LTBP1: variants seen among roughly 807,000 people sequenced by gnomAD.
LTBP1 encodes latent transforming growth factor beta binding protein 1.
Under a neutral mutation model 207.6 loss-of-function variants are expected in LTBP1, and 129 were observed. The ratio of observed to expected loss-of-function variants is 0.62; its 90% CI spans 0.54 to 0.72. The LOEUF (loss-of-function observed/expected upper bound fraction) is 0.72. LTBP1 is among the 30% of genes least tolerant of loss of function. The probability of loss-of-function intolerance (pLI) is 0.00; values close to 1 mark genes in which losing one functional copy is unlikely to be tolerated. For missense variants in LTBP1, 2,281 were observed against 2,217.2 expected (o/e 1.03, Z -0.58); for synonymous variants, 963 against 833.7 (o/e 1.16, Z -2.67).
intron 18 of LTBP1, 85 bp downstream of exon 18, chr2:33,276,008 C>A: frequency 6.8e-7 from 1 of 1,476,850 alleles, no homozygotes; most frequent in Non-Finnish European, 9.0e-7. Context: ...TTCCTTCCCA[C>A]ACTCAGTGCG....
At chr2:33,087,188 C>T (rs1033573805) in intron 3 of LTBP1, among the ~76,000 whole-genome samples, 6 of 149,054 alleles carry the variant, frequency 4.0e-5, no homozygotes, top group African/African-American at 1.2e-4. Flanking sequence ...GATCTTCCCA[C>T]CTCAGCCTCA....
intron 31 of LTBP1, among the ~76,000 whole-genome samples, chr2:33,370,864 T>C (rs1307907846): frequency 6.6e-6 from 1 of 152,206 alleles, no homozygotes; most frequent in Admixed American, 6.5e-5. Context: ...CCACTTGTCA[T>C]CAGCTTTAAG....
At chr2:33,243,632 C>T (rs752503975) in intron 9 of LTBP1, 30 bp from the exon 10 acceptor site, 13 of 1,610,956 alleles carry the variant, frequency 8.1e-6, no homozygotes, top group Non-Finnish European at 1.1e-5. Flanking sequence ...GGCTTGACTG[C>T]TCCTTCTAAA....
At chr2:33,356,121 G>A (rs1291623099) in intron 26 of LTBP1, among the ~76,000 whole-genome samples, 1 of 151,912 alleles carries the variant, frequency 6.6e-6, no homozygotes. Flanking sequence ...CAGCCAAGGA[G>A]ATGGTAGCTC....
intron 3 of LTBP1, among the ~76,000 whole-genome samples, chr2:33,033,913 G>A (rs923474187): frequency 6.6e-6 from 1 of 152,122 alleles, no homozygotes; most frequent in African/African-American, 2.4e-5. Flanking sequence ...ATTTCAAAGC[G>A]CCTCAGGAGT....
intron 2 of LTBP1, among the ~76,000 whole-genome samples, chr2:32,995,813 C>T (rs1401863957): frequency 6.6e-6 from 1 of 152,002 alleles, no homozygotes; most frequent in Non-Finnish European, 1.5e-5. Context: ...AACAAAAACA[C>T]CACATGATTT....
In LTBP1 at chr2:33,082,431, A is replaced by AATTTTTT. The variant is rs2078468929; in HGVS notation, c.864-28151_864-28150insATTTTTT. Among the ~76,000 whole-genome samples the AATTTTTT allele has an allele frequency of 5.2e-5, 6 of 116,044 alleles. 3 individuals are homozygous for AATTTTTT. The highest frequency in any genetic ancestry group is 3.4e-5 in the Non-Finnish European group (2 of 58,288). 76.1% of individuals were successfully genotyped at this position (116,044 alleles called of 152,430 possible). On this transcript the variant is annotated intron_variant, in intron 3 of 33. Coordinates refer to ENST00000404816, the MANE Select transcript of LTBP1 (RefSeq NM_206943.4). The stretch of plus-strand genomic sequence containing the variant: ...GTTAACCGTGGCTAAAGTATGACTC[A>AATTTTTT]CTTTTTTTTTTTTTTTTTTTTTTTT...
chr2:33,041,566 G>A (rs2076188170), intron 3 of LTBP1, among the ~76,000 whole-genome samples: 1 of 152,218 alleles, frequency 6.6e-6, no homozygotes, highest in Non-Finnish European at 1.5e-5. Flanking sequence ...ATAGGCGTGA[G>A]CCACCGTGCC....
chr2:32,955,493 T>C (rs114684997), intron 2 of LTBP1, among the ~76,000 whole-genome samples: 8,338 of 151,996 alleles, frequency 0.055, 262 homozygotes, highest in Middle Eastern at 0.071. Context: ...TTTTTTTTAA[T>C]TACAAAATTT....
intron 3 of LTBP1, among the ~76,000 whole-genome samples, chr2:33,101,920 A>C (rs2079762605): frequency 6.6e-6 from 1 of 152,130 alleles, no homozygotes; most frequent in South Asian, 2.1e-4. Flanking sequence ...AGAATTTTTG[A>C]ACACAGTTAC....
intron 7 of LTBP1, among the ~76,000 whole-genome samples, chr2:33,216,690 A>G (rs892305748): frequency 1.3e-5 from 2 of 152,214 alleles, no homozygotes; most frequent in Non-Finnish European, 2.9e-5. Context: ...GTTAGCCTGC[A>G]TAGCAGGGGT....
intron 7 of LTBP1, among the ~76,000 whole-genome samples, chr2:33,202,275 A>G (rs1195326402): frequency 6.6e-6 from 1 of 152,194 alleles, no homozygotes; most frequent in Non-Finnish European, 1.5e-5. Flanking sequence ...TCCACTGGAC[A>G]AAAGCCAGTA....
chr2:33,048,699 T>C (rs1388259624), intron 3 of LTBP1, among the ~76,000 whole-genome samples: 1 of 152,208 alleles, frequency 6.6e-6, no homozygotes, highest in Non-Finnish European at 1.5e-5. Context: ...GGGAAGCGTG[T>C]GTGCTCCGTT....
intron 7 of LTBP1, among the ~76,000 whole-genome samples, chr2:33,208,904 G>C (rs2149244930): frequency 8.1e-6 from 1 of 124,106 alleles, no homozygotes; most frequent in South Asian, 2.6e-4. Context: ...GTCTCGCTCT[G>C]TCTCCCAGGC....
intron 4 of LTBP1, among the ~76,000 whole-genome samples, chr2:33,113,479 A>G (rs1338512613): frequency 6.6e-6 from 1 of 152,248 alleles, no homozygotes; most frequent in Admixed American, 6.5e-5. Flanking sequence ...AACATTGTAG[A>G]TAGAGAGAAA....
chr2:33,310,461 G>A (rs1220375218), intron 23 of LTBP1, among the ~76,000 whole-genome samples: 2 of 152,208 alleles, frequency 1.3e-5, no homozygotes, highest in Non-Finnish European at 2.9e-5. Flanking sequence ...GCTGAGTACT[G>A]TAGGTATCTT....
At chr2:33,357,808 C>T (rs1488877922) in intron 26 of LTBP1, among the ~76,000 whole-genome samples, 4 of 152,148 alleles carry the variant, frequency 2.6e-5, no homozygotes, top group African/African-American at 9.7e-5. Context: ...TGTAGTACAG[C>T]TAATCTTACT....
chr2:33,008,685 C>T (rs954839974), intron 2 of LTBP1, among the ~76,000 whole-genome samples: 1 of 152,194 alleles, frequency 6.6e-6, no homozygotes, highest in Non-Finnish European at 1.5e-5. Context: ...GGAGCTTATA[C>T]TTTACTGGAA....
chr2:33,245,486 A>T (rs1035360059), intron 10 of LTBP1, among the ~76,000 whole-genome samples: 1 of 152,248 alleles, frequency 6.6e-6, no homozygotes, highest in Non-Finnish European at 1.5e-5. Flanking sequence ...CAGATTAGGA[A>T]GTTTTACACG....
Sources: gnomAD v4.1 joint callset for allele counts (sites outside exome capture counted in the v4.1 genomes callset) on GRCh38, gnomAD v4.1.1 for gene constraint, MANE v1.5 for transcripts, NCBI Gene and HGNC (gene_info 2026-07-23, HGNC 2026-07-21) for gene names.